Variants in SLC35B4 observed in about 807,000 individuals in gnomAD.
SLC35B4 encodes the protein solute carrier family 35 member B4, also known as nucleotide sugar transporter SLC35B4.
SLC35B4 carries 28 observed loss-of-function variants against 39.5 expected under a neutral mutation model. The observed-to-expected ratio is 0.71, with a 90% CI of 0.53 to 0.97. SLC35B4 has a LOEUF of 0.97. Among genes scored for constraint, SLC35B4 ranks in the 50% least tolerant of loss-of-function variants. The probability of loss-of-function intolerance (pLI) is 0.00; values close to 1 mark genes in which losing one functional copy is unlikely to be tolerated. For missense variants in SLC35B4, 334 were observed against 414.3 expected, an observed-to-expected ratio of 0.81 and a Z score of 1.68; for synonymous variants, 145 against 150.4, an observed-to-expected ratio of 0.96 and a Z score of 0.26.
intron 2 of SLC35B4, among the ~76,000 whole-genome samples, chr7:134,308,195 AC>A (rs1490512033): frequency 6.6e-6 from 1 of 152,200 alleles, no homozygotes; most frequent in Non-Finnish European, 1.5e-5. Context: ...ATCATTCAGA[AC>A]ATCGTGGTAA....
At chr7:134,295,714 T>TA (rs1803451779) in intron 9 of SLC35B4, among the ~76,000 whole-genome samples, 1 of 152,116 alleles carries the variant, frequency 6.6e-6, no homozygotes, top group African/African-American at 2.4e-5. Flanking sequence ...GCCTCCTAAG[T>TA]AGCTGGTAAT....
chr7:134,304,905 A>AG (rs2117300409), intron 3 of SLC35B4, 51 bp from the exon 4 acceptor site: 1 of 1,424,452 alleles, frequency 7.0e-7, no homozygotes, highest in East Asian at 2.3e-5. Flanking sequence ...TAGGAAAAAA[A>AG]CAACGTAATT....
chr7:134,309,772 G>C (rs138572213), intron 1 of SLC35B4, among the ~76,000 whole-genome samples: 1 of 152,320 alleles, frequency 6.6e-6, no homozygotes, highest in African/African-American at 2.4e-5. Flanking sequence ...CTAGTAAACT[G>C]CAGGAAATTG....
intron 9 of SLC35B4, among the ~76,000 whole-genome samples, 192 bp downstream of exon 9, chr7:134,296,199 A>C (rs190031180): frequency 1.3e-5 from 2 of 152,134 alleles, no homozygotes; most frequent in Non-Finnish European, 2.9e-5. Flanking sequence ...TTACTGACCT[A>C]CTACACCACT....
intron 1 of SLC35B4, among the ~76,000 whole-genome samples, chr7:134,316,389 T>TG (rs1803977183): frequency 6.6e-6 from 1 of 152,128 alleles, no homozygotes; most frequent in Non-Finnish European, 1.5e-5. Context: ...CCCCCGAGTG[T>TG]GGAAAAGGGG....
intron 1 of SLC35B4, among the ~76,000 whole-genome samples, chr7:134,313,547 G>A (rs527924642): frequency 4.6e-5 from 7 of 152,244 alleles, no homozygotes; most frequent in African/African-American, 1.4e-4. Flanking sequence ...CAAGGCACTC[G>A]TCCATTACTA....
chr7:134,302,799 T>C (rs1217382870), intron 4 of SLC35B4, among the ~76,000 whole-genome samples: 1 of 152,044 alleles, frequency 6.6e-6, no homozygotes. Context: ...AGATGAACCA[T>C]CCCAGGTTTT....
At chr7:134,301,623 A>T in intron 6 of SLC35B4, 138 bp downstream of exon 6, 1 of 762,730 alleles carries the variant, frequency 1.3e-6, no homozygotes, top group East Asian at 2.4e-5. Flanking sequence ...GGCTCAGAGA[A>T]ATATGATCCC....
At position 134,296,489 on chromosome 7, in the gene SLC35B4, T is replaced by G. The variant is rs755589606; in HGVS notation, c.674-23A>C. 23 of 1,585,896 alleles carry G rather than the reference T, an allele frequency of 1.5e-5. No individual in the cohort carries two copies. In the South Asian group the frequency reaches 2.5e-4, roughly 17 times the overall value. On this transcript the variant is annotated intron_variant, in intron 8 of 9. Transcript: ENST00000378509. ...ACTCTGTAGAGGTTACAAGAGGATA[T>G]AGCCATATTGCTTTTTCACAGCTGA...
intron 8 of SLC35B4, among the ~76,000 whole-genome samples, chr7:134,298,572 C>G (rs565352987): frequency 2.6e-5 from 4 of 152,210 alleles, no homozygotes; most frequent in African/African-American, 9.6e-5. Context: ...TTTCAATAGC[C>G]CTTTGCTACG....
chr7:134,297,778 G>A (rs909324678), intron 8 of SLC35B4, among the ~76,000 whole-genome samples: 3 of 152,218 alleles, frequency 2.0e-5, no homozygotes, highest in African/African-American at 4.8e-5. Context: ...GCTCACGCCT[G>A]TAATCCTAGC....
intron 1 of SLC35B4, among the ~76,000 whole-genome samples, chr7:134,310,020 T>C (rs1803798126): frequency 6.6e-6 from 1 of 152,294 alleles, no homozygotes; most frequent in South Asian, 2.1e-4. Context: ...GTTCTTGGGA[T>C]GGGGGAGATA....
chr7:134,319,298 T>C, upstream of SLC35B4, among the ~76,000 whole-genome samples: 1 of 152,222 alleles, frequency 6.6e-6, no homozygotes, highest in East Asian at 1.9e-4. Flanking sequence ...TGATGACTTC[T>C]TAATTGTGAA....
intron 1 of SLC35B4, among the ~76,000 whole-genome samples, chr7:134,315,190 G>A (rs1018316722): frequency 1.3e-5 from 2 of 152,198 alleles, no homozygotes; most frequent in Admixed American, 1.3e-4. Flanking sequence ...TATTGGACTA[G>A]GAGCTTAGAT....
chr7:134,303,633 C>T (rs1044194503), intron 4 of SLC35B4, among the ~76,000 whole-genome samples: 5 of 152,132 alleles, frequency 3.3e-5, no homozygotes. Flanking sequence ...TACTTAAAAA[C>T]TCTAGGTTCT....
At chr7:134,298,415 G>A (rs1176079763) in intron 8 of SLC35B4, among the ~76,000 whole-genome samples, 5 of 152,190 alleles carry the variant, frequency 3.3e-5, no homozygotes. Context: ...GCAAGAGAAG[G>A]AAAATGTATC....
At chr7:134,314,419 T>G (rs1803920831) in intron 1 of SLC35B4, among the ~76,000 whole-genome samples, 1 of 152,252 alleles carries the variant, frequency 6.6e-6, no homozygotes, top group Admixed American at 6.5e-5. Flanking sequence ...GCTTGCATAT[T>G]CTCATGTCAT....
intron 9 of SLC35B4, among the ~76,000 whole-genome samples, chr7:134,295,772 A>G (rs2117277507): frequency 6.6e-6 from 1 of 152,168 alleles, no homozygotes; most frequent in East Asian, 1.9e-4. Context: ...CACTGGAAAT[A>G]TCTTAGGACA....
chr7:134,319,664 T>G (rs1261948213), upstream of SLC35B4, among the ~76,000 whole-genome samples: 1 of 152,184 alleles, frequency 6.6e-6, no homozygotes, highest in African/African-American at 2.4e-5. Context: ...TCCAGTGTCT[T>G]TGGAATGTTC....
Sources: gnomAD v4.1 joint callset for allele counts (sites outside exome capture counted in the v4.1 genomes callset) on GRCh38, gnomAD v4.1.1 for gene constraint, MANE v1.5 for transcripts, NCBI Gene and HGNC (gene_info 2026-07-23, HGNC 2026-07-21) for gene names.